The following TXNL1 variants were observed in gnomAD, a reference collection of about 807,000 sequenced individuals.
The protein encoded by TXNL1 is thioredoxin like 1.
TXNL1 carries 14 observed loss-of-function variants against 35.5 expected under a neutral mutation model. That is an observed-to-expected ratio of 0.39 (90% confidence interval 0.26 to 0.62). The LOEUF (loss-of-function observed/expected upper bound fraction) is 0.62, where lower values mean the gene tolerates loss of function less well. TXNL1 is among the 20% of genes least tolerant of loss of function. TXNL1 has a pLI of 0.47. For synonymous variants in TXNL1, 110 were observed against 115.5 expected, an observed-to-expected ratio of 0.95 and a Z score of 0.31; for missense variants, 263 against 349.7, an observed-to-expected ratio of 0.75 and a Z score of 1.98.
chr18:56,611,502 CAAA>C (rs201498465), intron 6 of TXNL1, among the ~76,000 whole-genome samples: 4 of 98,532 alleles, frequency 4.1e-5, no homozygotes, highest in East Asian at 3.0e-4. Flanking sequence ...AACTCTGGCT[CAAA>C]AAAAAAAAAA....
rs906366832 is a variant in TXNL1 at position 56,600,630 on chromosome 18, G to A, written c.*2397C>T. 3 of 149,958 alleles carry A rather than the reference G, an allele frequency of 2.0e-5. No individual in the cohort carries two copies. The highest frequency in any genetic ancestry group is 4.9e-5 in the African/African-American group (2 of 40,422). The allele number at this position is 149,958 out of a possible 1,614,324, so 9.3% of individuals were successfully genotyped here. ...GGCAGGTTTCAACTCTAATTGTTAC[G>A]TGGCTGCCTCCAACAGTATATTGAG... On this transcript the variant is annotated 3_prime_UTR_variant, in exon 8 of 8. Coordinates refer to ENST00000217515, the MANE Select transcript of TXNL1 (RefSeq NM_004786.3).
intron 7 of TXNL1, among the ~76,000 whole-genome samples, chr18:56,605,017 T>C (rs1345085309): frequency 2.8e-5 from 4 of 145,020 alleles, no homozygotes; most frequent in Non-Finnish European, 6.1e-5. Flanking sequence ...AAATTAAATA[T>C]GAAACAGTAG....
rs1046120417 is a variant in TXNL1, at chr18:56,599,971, T to C, written c.*3056A>G. On this transcript the variant is annotated 3_prime_UTR_variant, in exon 8 of 8. Transcript: ENST00000217515. ...AAAATTAACCTACTAAATTGAACTA[T>C]ATGAGTATCAATACAAGCAACATGA... The C allele has an allele frequency of 1.3e-5, 2 of 151,668 alleles. No individual in the cohort carries two copies. The highest frequency in any genetic ancestry group is 4.8e-5 in the African/African-American group (2 of 41,438). 9.4% of individuals were successfully genotyped at this position (151,668 alleles called of 1,614,324 possible).
chr18:56,599,795 G>C lies in TXNL1; in HGVS notation c.*3232C>G, dbSNP rs1028422869. On this transcript the variant is annotated 3_prime_UTR_variant, in exon 8 of 8. Coordinates refer to ENST00000217515, the MANE Select transcript of TXNL1 (RefSeq NM_004786.3). ...GCTGGTCTCAAACTCCTGACCTCAA[G>C]TGATCCAGCCGCCTCGGCCTCCCAA... 3 of 152,026 alleles carry C rather than the reference G, an allele frequency of 2.0e-5. No individual in the cohort carries two copies. Among genetic ancestry groups the C allele is most frequent in the Non-Finnish European group, 4.4e-5 (3 of 68,038 alleles). 9.4% of individuals were successfully genotyped at this position (152,026 alleles called of 1,614,324 possible).
At chr18:56,630,308 A>C (rs527445947) in intron 1 of TXNL1, among the ~76,000 whole-genome samples, 74 of 152,296 alleles carry the variant, frequency 4.9e-4, no homozygotes, top group Non-Finnish European at 9.0e-4. Context: ...AAAAGAACAA[A>C]ATCAACTGGA....
At chr18:56,638,291 G>C in intron 1 of TXNL1, 52 bp downstream of exon 1, 1 of 1,536,034 alleles carries the variant, frequency 6.5e-7, no homozygotes, top group Non-Finnish European at 8.9e-7. Context: ...AAGAGTGAAA[G>C]GAAAGCAAGG....
chr18:56,626,473 A>T lies in TXNL1; in HGVS notation c.99-16T>A. 6.3e-7 allele frequency: 1 copy of T among 1,583,708 alleles called. No homozygotes were observed. Among genetic ancestry groups the T allele is most frequent in the Non-Finnish European group, 8.6e-7 (1 of 1,163,332 alleles). On this transcript the variant is annotated splice_polypyrimidine_tract_variant and intron_variant, in intron 1 of 7. Coordinates refer to ENST00000217515, the MANE Select transcript of TXNL1 (RefSeq NM_004786.3). ...TGGCCCACACCTGTTAGAAAAGGAA[A>T]ATTAAGTAAAATAACACTAAAGATT...
chr18:56,618,217 T>C, intron 3 of TXNL1, 91 bp from the exon 4 acceptor site: 1 of 1,363,208 alleles, frequency 7.3e-7, no homozygotes, highest in South Asian at 1.4e-5. Flanking sequence ...CTTTAGGCAA[T>C]TTTAAAGAAA....
rs550852373 is a variant in TXNL1 at position 56,597,554 on chromosome 18, C to T, written c.*5473G>A. 1 of 152,314 alleles carries T rather than the reference C, an allele frequency of 6.6e-6. No homozygotes were observed. Among genetic ancestry groups the T allele is most frequent in the Admixed American group, 6.5e-5 (1 of 15,298 alleles). 9.4% of individuals were successfully genotyped at this position (152,314 alleles called of 1,614,324 possible). A position where few individuals can be genotyped will look rare whatever the true frequency, so the allele number is the denominator to read the frequency against. On this transcript the variant is annotated 3_prime_UTR_variant, in exon 8 of 8. Transcript: ENST00000217515. ...ATTCATTAACACTACTTTATTACCACCTCCTGTTTTTCCTCCCTTTCCTGT... is the reference window on the plus strand; with the variant it reads ...ATTCATTAACACTACTTTATTACCATCTCCTGTTTTTCCTCCCTTTCCTGT...
chr18:56,637,097 A>C (rs1225712929), intron 1 of TXNL1, among the ~76,000 whole-genome samples: 1 of 152,200 alleles, frequency 6.6e-6, no homozygotes, highest in African/African-American at 2.4e-5. Flanking sequence ...ATGAAATGCA[A>C]GGTACTATCC....
rs569968624 is a variant in TXNL1, at chr18:56,631,619, G to A, written c.99-5162C>T. Reference sequence around the variant, plus strand: ...CAGTAAACCGCTAGCTTTCTACAATGTATAAAGAAATAAACCCAGCCGGGC... The same window carrying A: ...CAGTAAACCGCTAGCTTTCTACAATATATAAAGAAATAAACCCAGCCGGGC... On this transcript the variant is annotated intron_variant, in intron 1 of 7. Transcript: ENST00000217515. Among the ~76,000 whole-genome samples, 54 of 152,236 alleles carry A rather than the reference G, an allele frequency of 3.5e-4. 1 individual carries two copies. In the South Asian group the frequency reaches 0.01, roughly 29 times the overall value.
chr18:56,603,423 A>C (rs1358014319), intron 7 of TXNL1, among the ~76,000 whole-genome samples: 1 of 152,146 alleles, frequency 6.6e-6, no homozygotes, highest in African/African-American at 2.4e-5. Context: ...CGATCACAAA[A>C]GAATCTGGAA....
At position 56,602,657 on chromosome 18, in the gene TXNL1, A is replaced by C; in HGVS notation, c.*370T>G. On this transcript the variant is annotated 3_prime_UTR_variant, in exon 8 of 8. Transcript: ENST00000217515. ...CACTTATCAAAATAACTTGCCATGA[A>C]TGTGTACACATGTACTTCTTAATTC... 1 of 220,212 alleles carries C rather than the reference A, an allele frequency of 4.5e-6. No homozygotes were observed. The highest frequency in any genetic ancestry group is 8.8e-6 in the Non-Finnish European group (1 of 113,262). 13.6% of individuals were successfully genotyped at this position (220,212 alleles called of 1,614,324 possible).
At position 56,602,288 on chromosome 18, in the gene TXNL1, G is replaced by C. The variant is rs986672990; in HGVS notation, c.*739C>G. 1 of 149,330 alleles carries C rather than the reference G, an allele frequency of 6.7e-6. No individual in the cohort carries two copies. The highest frequency in any genetic ancestry group is 1.5e-5 in the Non-Finnish European group (1 of 67,800). The allele number at this position is 149,330 out of a possible 1,614,324, so 9.3% of individuals were successfully genotyped here. On this transcript the variant is annotated 3_prime_UTR_variant, in exon 8 of 8. Coordinates refer to ENST00000217515, the MANE Select transcript of TXNL1 (RefSeq NM_004786.3). ...GGCCTCCCAAAGTACTGGGATTACA[G>C]ACATTAGCCACCACACCTGGCCAAT...
rs77011338 is a variant in TXNL1, at chr18:56,618,224, G to T, written c.370-98C>A. The T allele has an allele frequency of 4.1e-4, 538 of 1,299,100 alleles. 2 individuals carry two copies. Among genetic ancestry groups the T allele is most frequent in the South Asian group, 1.7e-3 (120 of 70,834 alleles). 80.5% of individuals were successfully genotyped at this position (1,299,100 alleles called of 1,614,324 possible). On this transcript the variant is annotated intron_variant, in intron 3 of 7. Coordinates refer to ENST00000217515, the MANE Select transcript of TXNL1 (RefSeq NM_004786.3). The stretch of plus-strand genomic sequence containing the variant: ...CTGATTCTCTTTAGGCAATTTTAAA[G>T]AAAACACTTTTAAAACAGTTCATAA...
chr18:56,631,646 C>T (rs1002054434), intron 1 of TXNL1, among the ~76,000 whole-genome samples: 10 of 152,308 alleles, frequency 6.6e-5, no homozygotes, highest in Non-Finnish European at 1.2e-4. Flanking sequence ...CAGCCGGGCG[C>T]AGTGGCTCAC....
At position 56,627,501 on chromosome 18, in the gene TXNL1, A is replaced by C. The variant is rs149202353; in HGVS notation, c.99-1044T>G. ...ATCTTAAGAACTATCATAAACCTTT[A>C]TTAAGAGAATATAGTACTTGTACAA... On this transcript the variant is annotated intron_variant, in intron 1 of 7. Transcript: ENST00000217515. 3.1e-4 allele frequency among the ~76,000 whole-genome samples: 47 copies of C among 152,332 alleles called. No individual in the cohort carries two copies. The East Asian group carries it at 8.5e-3, about 28-fold the overall frequency.
rs1250226990 is a variant in TXNL1 at position 56,600,073 on chromosome 18, T to G, written c.*2954A>C. ...ATTCAACTCCAACACTTTATTCTTATTACAGAATCAAAGCTTTTAGACATT... is the reference window on the plus strand; with the variant it reads ...ATTCAACTCCAACACTTTATTCTTAGTACAGAATCAAAGCTTTTAGACATT... On this transcript the variant is annotated 3_prime_UTR_variant, in exon 8 of 8. Transcript: ENST00000217515. 1 of 152,206 alleles carries G rather than the reference T, an allele frequency of 6.6e-6. No homozygotes were observed. The highest frequency in any genetic ancestry group is 1.5e-5 in the Non-Finnish European group (1 of 68,044). The allele number at this position is 152,206 out of a possible 1,614,324, so 9.4% of individuals were successfully genotyped here.
In TXNL1 at chr18:56,600,467, G is replaced by A. The variant is rs1259286045; in HGVS notation, c.*2560C>T. ...GAATATTGAGACTGGGGAACAATGT[G>A]GGGCAGGTTTCAACTCTAATTGTTA... On this transcript the variant is annotated 3_prime_UTR_variant, in exon 8 of 8. Transcript: ENST00000217515. The A allele has an allele frequency of 6.8e-6, 1 of 147,742 alleles. No homozygotes were observed. Among genetic ancestry groups the A allele is most frequent in the African/African-American group, 2.5e-5 (1 of 39,898 alleles). 9.2% of individuals were successfully genotyped at this position (147,742 alleles called of 1,614,324 possible).
Sources: gnomAD v4.1 joint callset for allele counts (sites outside exome capture counted in the v4.1 genomes callset) on GRCh38, gnomAD v4.1.1 for gene constraint, MANE v1.5 for transcripts, NCBI Gene and HGNC (gene_info 2026-07-23, HGNC 2026-07-21) for gene names.